DIP2B: variants seen among roughly 807,000 people sequenced by gnomAD.
DIP2B encodes the protein DIP2 acetate--CoA ligase B (putative), also known as disco-interacting protein 2 homolog B.
DIP2B carries 76 observed loss-of-function variants against 198.0 expected under a neutral mutation model. The ratio of observed to expected loss-of-function variants is 0.38; its 90% confidence interval spans 0.32 to 0.46. DIP2B has a LOEUF of 0.46. DIP2B is among the 20% of genes least tolerant of loss of function. The pLI is 0.99. For missense variants in DIP2B, 1,559 were observed against 1,978.4 expected, an observed-to-expected ratio of 0.79 and a Z score of 4.02; for synonymous variants, 701 against 739.1, an observed-to-expected ratio of 0.95 and a Z score of 0.84.
intron 19 of DIP2B, among the ~76,000 whole-genome samples, chr12:50,699,650 GGCAATGTA>G (rs1445721788): frequency 6.6e-6 from 1 of 152,054 alleles, no homozygotes; most frequent in East Asian, 1.9e-4. Flanking sequence ...TTTGAGACCA[GGCAATGTA>G]GCAATGTAGC....
chr12:50,617,442 A>G (rs1937720612), intron 1 of DIP2B, among the ~76,000 whole-genome samples: 1 of 151,792 alleles, frequency 6.6e-6, no homozygotes, highest in South Asian at 2.1e-4. Context: ...GGCGTGAGCC[A>G]CCGCACCCGG....
chr12:50,741,651 A>C, intron 37 of DIP2B, 112 bp downstream of exon 37: 3 of 1,365,950 alleles, frequency 2.2e-6, no homozygotes, highest in South Asian at 1.4e-5. Context: ...ATAGAGCTCC[A>C]TGGGAGGAGT....
chr12:50,578,797 C>T (rs61927826), intron 1 of DIP2B, among the ~76,000 whole-genome samples: 4,244 of 152,198 alleles, frequency 0.028, 106 homozygotes, highest in Non-Finnish European at 0.042. Flanking sequence ...CATAAGCCAC[C>T]GCGCCCGGCC....
chr12:50,597,621 A>G (rs1958889774), intron 1 of DIP2B, among the ~76,000 whole-genome samples: 1 of 152,126 alleles, frequency 6.6e-6, no homozygotes, highest in Non-Finnish European at 1.5e-5. Flanking sequence ...GTTTGAGAGG[A>G]GGAGAACACA....
chr12:50,675,414 A>AT lies in DIP2B; in HGVS notation c.888dup (p.Val297CysfsTer3). Reference sequence around the variant, plus strand: ...GACCCAAAAGGCCTCCCTTAAAGGAATTTTTTGTGGATGACTCTGAAGAAA... The same window carrying AT: ...GACCCAAAAGGCCTCCCTTAAAGGAATTTTTTTGTGGATGACTCTGAAGAAA... On this transcript the variant is annotated frameshift_variant, in exon 7 of 38. Coordinates refer to ENST00000301180, the MANE Select transcript of DIP2B (RefSeq NM_173602.3). LOFTEE classifies it high-confidence loss of function. The AT allele has an allele frequency of 6.2e-7, 1 of 1,613,938 alleles. No individual in the cohort carries two copies. Among genetic ancestry groups the AT allele is most frequent in the Non-Finnish European group, 8.5e-7 (1 of 1,179,880 alleles).
At chr12:50,629,189 C>T (rs1236522470) in intron 2 of DIP2B, among the ~76,000 whole-genome samples, 1 of 152,076 alleles carries the variant, frequency 6.6e-6, no homozygotes, top group Non-Finnish European at 1.5e-5. Flanking sequence ...ACCTACTCTT[C>T]TTATTTTCTT....
intron 1 of DIP2B, among the ~76,000 whole-genome samples, chr12:50,513,450 C>A (rs773444294): frequency 6.6e-6 from 1 of 152,206 alleles, no homozygotes; most frequent in Non-Finnish European, 1.5e-5. Context: ...GTTTCTGAGA[C>A]TTAGCATCTA....
intron 1 of DIP2B, among the ~76,000 whole-genome samples, chr12:50,524,704 CAG>C (rs1428083424): frequency 6.6e-6 from 1 of 152,182 alleles, no homozygotes; most frequent in Non-Finnish European, 1.5e-5. Flanking sequence ...TAGCTGTAGA[CAG>C]AGAATAACAA....
chr12:50,603,090 G>A (rs1263638048), intron 1 of DIP2B, among the ~76,000 whole-genome samples: 1 of 150,626 alleles, frequency 6.6e-6, no homozygotes, highest in Non-Finnish European at 1.5e-5. Flanking sequence ...CGTGAACCCG[G>A]GAGGTGGAGC....
intron 1 of DIP2B, among the ~76,000 whole-genome samples, chr12:50,620,165 C>A (rs987976683): frequency 6.6e-5 from 10 of 152,250 alleles, no homozygotes; most frequent in Admixed American, 5.9e-4. Flanking sequence ...TGTCACCCAC[C>A]TGACTGGTGT....
chr12:50,595,209 A>G (rs1565837899), intron 1 of DIP2B, among the ~76,000 whole-genome samples: 2 of 152,222 alleles, frequency 1.3e-5, no homozygotes, highest in Non-Finnish European at 1.5e-5. Context: ...TTTGCAAGCT[A>G]GTCGTGCACA....
intron 1 of DIP2B, among the ~76,000 whole-genome samples, chr12:50,623,437 A>ACACACTCTCT (rs1308369241): frequency 6.6e-4 from 38 of 57,156 alleles, no homozygotes; most frequent in African/African-American, 2.8e-3. Flanking sequence ...ACACACACAC[A>ACACACTCTCT]CTCTCTCTCT....
At chr12:50,510,540 C>T (rs2139338098) in intron 1 of DIP2B, among the ~76,000 whole-genome samples, 1 of 152,264 alleles carries the variant, frequency 6.6e-6, no homozygotes, top group African/African-American at 2.4e-5. Context: ...CTAGAGTTCT[C>T]CATGGTTCTC....
intron 3 of DIP2B, among the ~76,000 whole-genome samples, chr12:50,652,245 G>A (rs1401073142): frequency 7.3e-5 from 11 of 151,350 alleles, no homozygotes; most frequent in Middle Eastern, 3.5e-3. Context: ...CCCAGGAGGC[G>A]GAGGTTGCAG....
chr12:50,675,248 A>G (rs777721167), intron 6 of DIP2B, 81 bp from the exon 7 acceptor site: 42 of 1,529,856 alleles, frequency 2.7e-5, no homozygotes, highest in Non-Finnish European at 3.6e-5. Flanking sequence ...ATCCTTAGAA[A>G]TAAAAGCTCC....
intron 1 of DIP2B, among the ~76,000 whole-genome samples, chr12:50,555,763 A>T (rs1195568795): frequency 6.6e-6 from 1 of 151,628 alleles, no homozygotes; most frequent in African/African-American, 2.4e-5. Flanking sequence ...TTGGCGCCTC[A>T]TGTCCTCCTC....
chr12:50,517,140 C>T (rs12821270), intron 1 of DIP2B, among the ~76,000 whole-genome samples: 41,142 of 151,854 alleles, frequency 0.27, 6,316 homozygotes, highest in Non-Finnish European at 0.35. Flanking sequence ...AGGATGGTCT[C>T]GATCTTCTGA....
intron 36 of DIP2B, among the ~76,000 whole-genome samples, 172 bp from the exon 37 acceptor site, chr12:50,741,244 A>G (rs755453272): frequency 2.6e-5 from 4 of 152,198 alleles, no homozygotes; most frequent in Non-Finnish European, 4.4e-5. Context: ...TATTATTCCC[A>G]TCTCACAGAG....
intron 1 of DIP2B, among the ~76,000 whole-genome samples, chr12:50,585,873 C>CT (rs1288169434): frequency 3.3e-5 from 5 of 152,180 alleles, no homozygotes; most frequent in Non-Finnish European, 7.3e-5. Context: ...TGGGCATTTA[C>CT]TTTTTTTCTA....
Sources: gnomAD v4.1 joint callset for allele counts (sites outside exome capture counted in the v4.1 genomes callset) on GRCh38, gnomAD v4.1.1 for gene constraint, MANE v1.5 for transcripts, NCBI Gene and HGNC (gene_info 2026-07-23, HGNC 2026-07-21) for gene names.